The following LINC00305 variants were observed in gnomAD, a reference collection of about 807,000 sequenced individuals.
LINC00305 encodes long intergenic non-protein coding RNA 305.
intron 3 of LINC00305, among the ~76,000 whole-genome samples, chr18:64,094,938 C>T (rs1389858204): frequency 1.3e-5 from 2 of 150,682 alleles, no homozygotes; most frequent in Non-Finnish European, 3.0e-5. Flanking sequence ...CCCAAGAAGC[C>T]TCAATCTGTG....
Position 64,114,035 on chromosome 18 carries a change from C to T in LINC00305, n.315-15395G>A, listed in dbSNP as rs928338520. ...CTGTAATCCCAGCACTTTGGGAGAC[C>T]GAGGCGGGCGGATCACAAGATCAGG... is the stretch of plus-strand genomic sequence containing the variant. On this transcript the variant is annotated intron_variant and non_coding_transcript_variant, in intron 1 of 3. Coordinates refer to ENST00000666468, the Ensembl canonical transcript of LINC00305. Among the ~76,000 whole-genome samples the T allele has an allele frequency of 5.3e-5, 8 of 152,214 alleles. No homozygotes were observed. In the East Asian group the frequency reaches 1.2e-3, roughly 22 times the overall value.
At chr18:64,110,003 C>A (rs1021099070) in intron 1 of LINC00305, among the ~76,000 whole-genome samples, 2 of 152,030 alleles carry the variant, frequency 1.3e-5, no homozygotes, top group African/African-American at 2.4e-5. Context: ...CATCAGCTAT[C>A]ATTAGTGTGT....
intron 1 of LINC00305, among the ~76,000 whole-genome samples, chr18:64,129,620 A>G (rs2051400425): frequency 1.3e-5 from 2 of 152,152 alleles, no homozygotes; most frequent in African/African-American, 2.4e-5. Context: ...TTTCCTATTC[A>G]GGAATCTTCT....
intron 1 of LINC00305, among the ~76,000 whole-genome samples, chr18:64,099,201 T>C (rs1221000929): frequency 6.6e-6 from 1 of 152,304 alleles, no homozygotes. Flanking sequence ...CCTGGAAACA[T>C]TGTTTTAATG....
At chr18:64,133,549 C>A (rs537085330) in intron 1 of LINC00305, among the ~76,000 whole-genome samples, 1 of 152,296 alleles carries the variant, frequency 6.6e-6, no homozygotes, top group Non-Finnish European at 1.5e-5. Context: ...CACAGATAGG[C>A]TCCCAGAAAC....
At chr18:64,087,285 A>G (rs1027310105) in intron 3 of LINC00305, among the ~76,000 whole-genome samples, 7 of 152,198 alleles carry the variant, frequency 4.6e-5, no homozygotes. Flanking sequence ...ATAGATTATT[A>G]TGCATCATAT....
intron 1 of LINC00305, among the ~76,000 whole-genome samples, chr18:64,116,638 G>C (rs1172154399): frequency 1.3e-5 from 2 of 151,982 alleles, no homozygotes; most frequent in South Asian, 4.1e-4. Flanking sequence ...AGTGTACTAT[G>C]TGATGATGCT....
intron 3 of LINC00305, among the ~76,000 whole-genome samples, chr18:64,084,497 A>G (rs771583894): frequency 2.6e-5 from 4 of 152,242 alleles, no homozygotes; most frequent in Non-Finnish European, 4.4e-5. Context: ...TAAAAAAGTT[A>G]AAAAACAATG....
At chr18:64,115,449 G>T (rs2051333385) in intron 1 of LINC00305, among the ~76,000 whole-genome samples, 1 of 152,146 alleles carries the variant, frequency 6.6e-6, no homozygotes, top group African/African-American at 2.4e-5. Context: ...AGGTAGGAAT[G>T]ATTTGCAGGT....
chr18:64,102,381 A>G (rs979824132), intron 1 of LINC00305, among the ~76,000 whole-genome samples: 3 of 152,182 alleles, frequency 2.0e-5, no homozygotes, highest in African/African-American at 4.8e-5. Flanking sequence ...TGGATTCATT[A>G]TAAGTAGACA....
chr18:64,118,400 T>C (rs1189616328), intron 1 of LINC00305, among the ~76,000 whole-genome samples: 1 of 152,136 alleles, frequency 6.6e-6, no homozygotes, highest in Non-Finnish European at 1.5e-5. Context: ...GTGTCTATTT[T>C]CCCAAAGAAG....
intron 1 of LINC00305, among the ~76,000 whole-genome samples, chr18:64,137,572 A>G (rs1038229732): frequency 6.6e-6 from 1 of 152,264 alleles, no homozygotes; most frequent in Non-Finnish European, 1.5e-5. Context: ...TTTCAAAAGT[A>G]AAGTGTTGCA....
intron 1 of LINC00305, among the ~76,000 whole-genome samples, chr18:64,104,949 C>T (rs760207230): frequency 1.8e-4 from 28 of 151,798 alleles, no homozygotes; most frequent in South Asian, 2.1e-4. Context: ...GGGTGTAACA[C>T]CCCTCACTCT....
At chr18:64,098,190 T>G (rs1369275945) in intron 2 of LINC00305, among the ~76,000 whole-genome samples, 1 of 152,236 alleles carries the variant, frequency 6.6e-6, no homozygotes, top group Non-Finnish European at 1.5e-5. Flanking sequence ...TATGTCAATA[T>G]TCAGATTTTA....
Position 64,114,862 on chromosome 18 carries a change from T to C in LINC00305, n.315-16222A>G, listed in dbSNP as rs114651980. On this transcript the variant is annotated intron_variant and non_coding_transcript_variant, in intron 1 of 3. Transcript: ENST00000666468. ...TTGCTCCTGGCCTATTTTATGTTTT[T>C]TTGAAAATGAGCTTGTGCGTAAAGA... Among the ~76,000 whole-genome samples, 1,522 of 152,342 alleles carry C rather than the reference T, an allele frequency of 1.0e-2. 26 individuals are homozygous for C. Among genetic ancestry groups the C allele is most frequent in the African/African-American group, 0.035 (1,459 of 41,562 alleles).
chr18:64,148,004 C>T (rs139373927), intron 1 of LINC00305, among the ~76,000 whole-genome samples: 43 of 152,038 alleles, frequency 2.8e-4, no homozygotes, highest in East Asian at 5.8e-4. Context: ...GGAACCATCT[C>T]GGATGTACGT....
chr18:64,126,351 TA>T (rs571092110), intron 1 of LINC00305, among the ~76,000 whole-genome samples: 334 of 152,168 alleles, frequency 2.2e-3, no homozygotes, highest in African/African-American at 7.8e-3. Context: ...CATACTTTCT[TA>T]AAAAAATTAC....
At chr18:64,112,505 C>G (rs372767691) in intron 1 of LINC00305, among the ~76,000 whole-genome samples, 14 of 152,166 alleles carry the variant, frequency 9.2e-5, no homozygotes, top group Admixed American at 2.0e-4. Flanking sequence ...AAGATAAACA[C>G]TATTTATGGT....
At chr18:64,114,226 C>A (rs1298977341) in intron 1 of LINC00305, among the ~76,000 whole-genome samples, 1 of 152,126 alleles carries the variant, frequency 6.6e-6, no homozygotes. Context: ...GCCGAGATTG[C>A]GCCACTGCAC....
Sources: allele counts gnomAD v4.1 joint callset (sites outside exome capture counted in the v4.1 genomes callset), GRCh38; gene constraint gnomAD v4.1.1; transcripts MANE v1.5; gene names NCBI Gene and HGNC (gene_info 2026-07-23, HGNC 2026-07-21).